RGS6: variants seen among roughly 807,000 people sequenced by gnomAD.
RGS6 encodes regulator of G protein signaling 6, also known as regulator of G-protein signaling 6.
RGS6 carries 30 observed loss-of-function variants against 78.5 expected under a neutral mutation model. The observed-to-expected ratio is 0.38, with a 90% CI of 0.29 to 0.52. The LOEUF is 0.52. Ranked by LOEUF, RGS6 falls within the 20% of genes least tolerant of loss-of-function variation. The pLI is 0.85. For synonymous variants in RGS6, 206 were observed against 206.0 expected, an observed-to-expected ratio of 1.00 and a Z score of 0.00; for missense variants, 495 against 609.7, an observed-to-expected ratio of 0.81 and a Z score of 1.98.
rs8004385 is a variant in RGS6 at position 72,499,130 on chromosome 14, A to T, written c.965+3868A>T. 2.0e-5 allele frequency among the ~76,000 whole-genome samples: 3 copies of T among 152,168 alleles called. No individual in the cohort carries two copies. In the East Asian group the frequency reaches 5.8e-4, roughly 29 times the overall value. On this transcript the variant is annotated intron_variant, in intron 13 of 17. Transcript: ENST00000553525. ...TATTTCCTCGCCAAGGTACTCCCCA[A>T]CAAGTCGACTCTTCTCCCTCCACTA...
At chr14:71,973,574 A>G (rs1566937257) in intron 2 of RGS6, among the ~76,000 whole-genome samples, 1 of 152,144 alleles carries the variant, frequency 6.6e-6, no homozygotes, top group African/African-American at 2.4e-5. Context: ...AATCCCAGCT[A>G]CTTGGGAGGC....
At chr14:72,133,469 C>T (rs1380504255) in intron 2 of RGS6, among the ~76,000 whole-genome samples, 3 of 152,138 alleles carry the variant, frequency 2.0e-5, no homozygotes, top group African/African-American at 2.4e-5. Context: ...GCTGACCATA[C>T]TGAACAATTA....
At chr14:72,349,035 A>G (rs576419086) in intron 2 of RGS6, among the ~76,000 whole-genome samples, 167 of 152,012 alleles carry the variant, frequency 1.1e-3, no homozygotes, top group Non-Finnish European at 1.7e-3. Flanking sequence ...GCGTGGTGGC[A>G]GGCGCCTGTA....
chr14:72,558,461 T>A (rs75604635), intron 17 of RGS6, among the ~76,000 whole-genome samples: 2,393 of 152,328 alleles, frequency 0.016, 25 homozygotes, highest in Middle Eastern at 0.037. Context: ...AAGCTCTTGG[T>A]AACCCAGATA....
intron 3 of RGS6, among the ~76,000 whole-genome samples, chr14:72,384,949 A>G (rs1010390814): frequency 3.3e-5 from 5 of 151,970 alleles, no homozygotes; most frequent in African/African-American, 7.3e-5. Flanking sequence ...ATGGGGTTTC[A>G]CCATCTTGGC....
At chr14:72,590,417 A>G in the RGS6 span, among the ~76,000 whole-genome samples, 1 of 152,234 alleles carries the variant, frequency 6.6e-6, no homozygotes, top group South Asian at 2.1e-4. Flanking sequence ...GAATAAACAA[A>G]TTGTGGCTCG....
the RGS6 span, among the ~76,000 whole-genome samples, chr14:71,911,437 G>A: frequency 2.0e-5 from 3 of 152,232 alleles, no homozygotes; most frequent in African/African-American, 4.8e-5. Context: ...TAGGGAAAAT[G>A]AGCAGGGTTT....
At chr14:72,365,203 AAG>A (rs1170040673) in intron 3 of RGS6, among the ~76,000 whole-genome samples, 1 of 152,244 alleles carries the variant, frequency 6.6e-6, no homozygotes, top group Non-Finnish European at 1.5e-5. Context: ...ATTCTAGAAA[AAG>A]AATGTACTTG....
intron 10 of RGS6, 81 bp downstream of exon 10, chr14:72,474,780 A>C: frequency 8.8e-7 from 1 of 1,135,924 alleles, no homozygotes; most frequent in Non-Finnish European, 1.3e-6. Context: ...GTAATTTGCT[A>C]CTTGTAATTC....
intron 2 of RGS6, among the ~76,000 whole-genome samples, chr14:71,972,574 G>T (rs972265667): frequency 5.3e-5 from 8 of 152,182 alleles, no homozygotes; most frequent in African/African-American, 1.9e-4. Flanking sequence ...CAAAGTGGAG[G>T]ATGGGATCTG....
intron 2 of RGS6, among the ~76,000 whole-genome samples, chr14:72,157,540 C>A (rs1333799275): frequency 2.6e-5 from 4 of 152,186 alleles, no homozygotes; most frequent in African/African-American, 4.8e-5. Flanking sequence ...CTCCACAATT[C>A]TGTGGGCGTG....
intron 2 of RGS6, among the ~76,000 whole-genome samples, chr14:72,122,393 A>C (rs2096072314): frequency 6.6e-6 from 1 of 152,176 alleles, no homozygotes; most frequent in African/African-American, 2.4e-5. Flanking sequence ...TCTACTGCTT[A>C]GAAGGGGTTT....
At chr14:72,578,162 G>T in the RGS6 span, among the ~76,000 whole-genome samples, 32 of 152,180 alleles carry the variant, frequency 2.1e-4, no homozygotes, top group African/African-American at 7.7e-4. Flanking sequence ...TCATTTGAAA[G>T]ATGCTTCTTT....
At chr14:72,262,336 C>T (rs953937851) in intron 2 of RGS6, among the ~76,000 whole-genome samples, 1 of 152,220 alleles carries the variant, frequency 6.6e-6, no homozygotes. Flanking sequence ...AGTCCAAGAT[C>T]AAGGTGGAGG....
intron 15 of RGS6, among the ~76,000 whole-genome samples, chr14:72,530,454 G>A (rs59781747): frequency 0.011 from 1,656 of 152,290 alleles, 55 homozygotes; most frequent in East Asian, 0.1. Context: ...TTGGGAGGCC[G>A]AGGCGGGTGA....
intron 2 of RGS6, among the ~76,000 whole-genome samples, chr14:72,185,070 C>T (rs1015797260): frequency 6.6e-6 from 1 of 152,152 alleles, no homozygotes; most frequent in Admixed American, 6.5e-5. Flanking sequence ...TCCAAGAGTC[C>T]AAAAGCCGAA....
At chr14:72,005,955 A>T (rs894855125) in intron 2 of RGS6, among the ~76,000 whole-genome samples, 3 of 151,672 alleles carry the variant, frequency 2.0e-5, no homozygotes, top group African/African-American at 7.3e-5. Flanking sequence ...TATGCTTTTG[A>T]CTCATCTATT....
At position 71,974,028 on chromosome 14, in the gene RGS6, G is replaced by A. The variant is rs139899256; in HGVS notation, c.84+9153G>A. Reference sequence around the variant, plus strand: ...TTTGAAAAGCCTTTGGTGTGTTTACGTCTTCATTTAATCTTTCCAATTTCT... The same window carrying A: ...TTTGAAAAGCCTTTGGTGTGTTTACATCTTCATTTAATCTTTCCAATTTCT... On this transcript the variant is annotated intron_variant, in intron 2 of 17. Coordinates refer to ENST00000553525, the MANE Select transcript of RGS6 (RefSeq NM_001204424.2). 3.5e-4 allele frequency among the ~76,000 whole-genome samples: 53 copies of A among 152,204 alleles called. No homozygotes were observed. In the Middle Eastern group the frequency reaches 0.014, roughly 39 times the overall value.
At chr14:72,092,661 C>T (rs1434052432) in intron 2 of RGS6, among the ~76,000 whole-genome samples, 5 of 152,326 alleles carry the variant, frequency 3.3e-5, no homozygotes, top group Middle Eastern at 3.4e-3. Context: ...GGATTACAGG[C>T]GTGAACCATT....
Sources: gnomAD v4.1 joint callset for allele counts (sites outside exome capture counted in the v4.1 genomes callset) on GRCh38, gnomAD v4.1.1 for gene constraint, MANE v1.5 for transcripts, NCBI Gene and HGNC (gene_info 2026-07-23, HGNC 2026-07-21) for gene names.